The following FAM13C variants were observed in gnomAD, a reference collection of about 807,000 sequenced individuals.
FAM13C encodes protein FAM13C.
FAM13C carries 37 observed loss-of-function variants against 73.2 expected under a neutral mutation model. That is an observed-to-expected ratio of 0.51 (90% CI 0.39 to 0.67). The LOEUF is 0.67. Ranked by LOEUF, FAM13C falls within the 30% of genes least tolerant of loss-of-function variation. The pLI, the probability that FAM13C is intolerant of heterozygous loss-of-function variation, is 0.00. For missense variants in FAM13C, 589 were observed against 715.6 expected (o/e 0.82, Z 2.02); for synonymous variants, 246 against 260.9 (o/e 0.94, Z 0.55).
chr10:59,266,317 T>C (rs1039744230), intron 8 of FAM13C, among the ~76,000 whole-genome samples: 2 of 152,148 alleles, frequency 1.3e-5, no homozygotes, highest in Admixed American at 6.5e-5. Flanking sequence ...GGGGTAGGTA[T>C]ATAAAATGGT....
chr10:59,357,863 A>G (rs1215929747), intron 1 of FAM13C, among the ~76,000 whole-genome samples: 5 of 152,232 alleles, frequency 3.3e-5, no homozygotes, highest in Admixed American at 3.3e-4. Context: ...AAGCAAATAA[A>G]TGCCTGCATA....
chr10:59,345,975 A>G (rs537871666), intron 3 of FAM13C, among the ~76,000 whole-genome samples: 5 of 152,336 alleles, frequency 3.3e-5, no homozygotes, highest in African/African-American at 1.2e-4. Flanking sequence ...GCAAGAATAG[A>G]GCCCTCAAAG....
intron 4 of FAM13C, among the ~76,000 whole-genome samples, chr10:59,321,037 T>C (rs1476983165): frequency 2.0e-5 from 3 of 152,076 alleles, no homozygotes; most frequent in African/African-American, 7.2e-5. Context: ...GTTTTAGAGA[T>C]TTTCACTAGA....
At chr10:59,362,681 T>TGGGCG (rs1320696471), upstream of FAM13C, 4 of 1,075,892 alleles carry the variant, frequency 3.7e-6, no homozygotes, top group Admixed American at 6.6e-5. Flanking sequence ...GGGACAGAGC[T>TGGGCG]GGGCGGGGCG....
chr10:59,246,777 T>C lies in FAM13C; in HGVS notation c.*837A>G. 2.5e-6 allele frequency: 1 copy of C among 394,840 alleles called. No homozygotes were observed. Among genetic ancestry groups the C allele is most frequent in the Non-Finnish European group, 4.5e-6 (1 of 223,684 alleles). 24.5% of individuals were successfully genotyped at this position (394,840 alleles called of 1,614,324 possible). A position where few individuals can be genotyped will look rare whatever the true frequency, so the allele number is the denominator to read the frequency against. ...CATTAAGAAAAATGTATATTCCCAA[T>C]GAAAAAATAGTTATATCATCTTATA... On this transcript the variant is annotated 3_prime_UTR_variant, in exon 14 of 14. Transcript: ENST00000618804.
intron 3 of FAM13C, among the ~76,000 whole-genome samples, chr10:59,341,037 G>C (rs1853435714): frequency 6.6e-6 from 1 of 152,018 alleles, no homozygotes; most frequent in South Asian, 2.1e-4. Flanking sequence ...GAGGTGGGAG[G>C]CGTAATGCCC....
At chr10:59,337,595 T>C (rs2134148698) in intron 3 of FAM13C, among the ~76,000 whole-genome samples, 1 of 152,168 alleles carries the variant, frequency 6.6e-6, no homozygotes, top group East Asian at 1.9e-4. Context: ...TGGTCACTTG[T>C]CACTGTGGCC....
At chr10:59,248,862 T>C (rs1444985572) in intron 13 of FAM13C, among the ~76,000 whole-genome samples, 3 of 152,196 alleles carry the variant, frequency 2.0e-5, no homozygotes, top group Non-Finnish European at 4.4e-5. Flanking sequence ...CTGCAATTTC[T>C]AGTACAGAAC....
At chr10:59,322,818 A>G (rs1010611220) in intron 4 of FAM13C, among the ~76,000 whole-genome samples, 1 of 152,226 alleles carries the variant, frequency 6.6e-6, no homozygotes, top group Non-Finnish European at 1.5e-5. Flanking sequence ...CTTTCTTACA[A>G]TAATACCTCA....
At chr10:59,265,292 G>C (rs1256057135) in intron 8 of FAM13C, among the ~76,000 whole-genome samples, 1 of 143,618 alleles carries the variant, frequency 7.0e-6, no homozygotes, top group Non-Finnish European at 1.5e-5. Flanking sequence ...TTCCCTGAGG[G>C]ATGGCAGAGG....
chr10:59,300,248 T>C (rs1387460817), intron 5 of FAM13C, among the ~76,000 whole-genome samples: 1 of 152,196 alleles, frequency 6.6e-6, no homozygotes, highest in Non-Finnish European at 1.5e-5. Flanking sequence ...ATGTAAAATT[T>C]GGGGAATGTA....
At chr10:59,339,528 C>A (rs1431278620) in intron 3 of FAM13C, among the ~76,000 whole-genome samples, 1 of 152,312 alleles carries the variant, frequency 6.6e-6, no homozygotes, top group African/African-American at 2.4e-5. Flanking sequence ...TTCTCCCATC[C>A]TTTCCACATC....
intron 5 of FAM13C, among the ~76,000 whole-genome samples, chr10:59,292,104 A>G (rs1846332186): frequency 6.6e-6 from 1 of 152,184 alleles, no homozygotes; most frequent in African/African-American, 2.4e-5. Context: ...CTCCCAATTT[A>G]AAGTAGAACT....
At chr10:59,310,671 CA>C (rs1368986397) in intron 4 of FAM13C, among the ~76,000 whole-genome samples, 1 of 152,098 alleles carries the variant, frequency 6.6e-6, no homozygotes, top group Non-Finnish European at 1.5e-5. Flanking sequence ...CTTCCCAACC[CA>C]TGTATCCACT....
At chr10:59,353,274 C>T (rs1855308117) in intron 2 of FAM13C, among the ~76,000 whole-genome samples, 1 of 152,194 alleles carries the variant, frequency 6.6e-6, no homozygotes, top group African/African-American at 2.4e-5. Flanking sequence ...CATGATAACA[C>T]TCTTATTTGA....
At chr10:59,293,649 T>A (rs1458606164) in intron 5 of FAM13C, among the ~76,000 whole-genome samples, 2 of 152,144 alleles carry the variant, frequency 1.3e-5, no homozygotes, top group Admixed American at 6.5e-5. Flanking sequence ...TCTATAAACT[T>A]GAGTTTTATA....
chr10:59,248,564 T>C (rs1208293476), intron 13 of FAM13C, among the ~76,000 whole-genome samples: 1 of 152,336 alleles, frequency 6.6e-6, no homozygotes, highest in South Asian at 2.1e-4. Flanking sequence ...GTTAATAAGA[T>C]AGCCAATCGT....
At chr10:59,329,312 C>T (rs1589638127) in intron 3 of FAM13C, among the ~76,000 whole-genome samples, 2 of 143,258 alleles carry the variant, frequency 1.4e-5, no homozygotes, top group South Asian at 4.6e-4. Context: ...CCTCTGATTC[C>T]ATTTTTTTTT....
At chr10:59,263,426 C>A (rs555825306) in intron 9 of FAM13C, among the ~76,000 whole-genome samples, 1 of 152,290 alleles carries the variant, frequency 6.6e-6, no homozygotes, top group Non-Finnish European at 1.5e-5. Flanking sequence ...TTTAATACCA[C>A]TGAATTAGTA....
Sources: gnomAD v4.1 joint callset for allele counts (sites outside exome capture counted in the v4.1 genomes callset) on GRCh38, gnomAD v4.1.1 for gene constraint, MANE v1.5 for transcripts, NCBI Gene and HGNC (gene_info 2026-07-23, HGNC 2026-07-21) for gene names.